ARL6IP6: variants seen among roughly 807,000 people sequenced by gnomAD.
The protein encoded by ARL6IP6 is ARF like GTPase 6 interacting protein 6.
In ARL6IP6, 22 loss-of-function variants were observed where a neutral mutation model predicts 21.5. The ratio of observed to expected loss-of-function variants is 1.02; its 90% CI spans 0.73 to 1.46. ARL6IP6 has a LOEUF of 1.46. Among genes scored for constraint, ARL6IP6 ranks in the 40% most tolerant of loss-of-function variants. ARL6IP6 has a pLI of 0.00. For missense variants in ARL6IP6, 388 were observed against 299.8 expected (o/e 1.29, Z -2.17); for synonymous variants, 164 against 125.3 (o/e 1.31, Z -2.06).
intron 3 of ARL6IP6, among the ~76,000 whole-genome samples, chr2:152,757,953 A>G (rs181199310): frequency 2.0e-5 from 3 of 152,270 alleles, no homozygotes; most frequent in South Asian, 2.1e-4. Flanking sequence ...AGGTTTTTCT[A>G]TTTTTGTGGG....
At chr2:152,749,940 A>G (rs1701242410) in intron 3 of ARL6IP6, among the ~76,000 whole-genome samples, 1 of 152,200 alleles carries the variant, frequency 6.6e-6, no homozygotes, top group Admixed American at 6.5e-5. Flanking sequence ...CATATGGTCA[A>G]ATGAAGAGTC....
chr2:152,749,513 C>G (rs1229969662), intron 3 of ARL6IP6, among the ~76,000 whole-genome samples: 1 of 152,154 alleles, frequency 6.6e-6, no homozygotes, highest in African/African-American at 2.4e-5. Context: ...TTTTAAAAAT[C>G]TCTTCTGTAC....
rs1465447363 is a variant in ARL6IP6 at position 152,735,010 on chromosome 2, T to G, written c.471T>G (p.Leu157=). The part of the protein sequence containing the change: ...DTGLLGFWTL[L]IISLTAGFSC... ...CCTGTTAAGGATTCTGGACTCTACTTATAATATCCCTAACTGCTGGATTCT... is the reference window on the plus strand; with the variant it reads ...CCTGTTAAGGATTCTGGACTCTACTGATAATATCCCTAACTGCTGGATTCT... Residue 157 remains leucine (L), a synonymous_variant, in exon 3 of 4, where the codon CTT becomes CTG. Transcript: ENST00000326446. 6.8e-6 allele frequency: 11 copies of G among 1,613,036 alleles called. No individual in the cohort carries two copies. The highest frequency in any genetic ancestry group is 9.3e-6 in the Non-Finnish European group (11 of 1,179,172).
At position 152,718,721 on chromosome 2, in the gene ARL6IP6, CAG is replaced by C. The variant is rs762652754; in HGVS notation, c.98_99del (p.Gln33ArgfsTer6). ...VARPSYSSFT[Q>X]GDSWGEGEVD... ...TCGGCCATCGTATTCCTCCTTTACTCAGGGGGACAGCTGGGGTGAAGGCGAAG... is the reference window on the plus strand; with the variant it reads ...TCGGCCATCGTATTCCTCCTTTACTCGGGGACAGCTGGGGTGAAGGCGAAG... On this transcript the variant is annotated frameshift_variant, in exon 1 of 4. Transcript: ENST00000326446. LOFTEE classifies it high-confidence loss of function. 1.6e-5 allele frequency: 26 copies of C among 1,609,856 alleles called. No homozygotes were observed. The highest frequency in any genetic ancestry group is 6.7e-5 in the East Asian group (3 of 44,790).
chr2:152,734,556 T>C (rs1372031423), intron 2 of ARL6IP6, among the ~76,000 whole-genome samples: 4 of 152,238 alleles, frequency 2.6e-5, no homozygotes, highest in Non-Finnish European at 5.9e-5. Context: ...AGTGGTGCAA[T>C]CTAGGCACAC....
rs966011796 is a variant in ARL6IP6, at chr2:152,746,613, C to G, written c.587+11487C>G. On this transcript the variant is annotated intron_variant, in intron 3 of 3. Transcript: ENST00000326446. The stretch of plus-strand genomic sequence containing the variant: ...TATCCAAGCTATAACTTCCTCATCT[C>G]TAAAATGGAGTAAAAATAATGGTAC... 2.7e-4 allele frequency among the ~76,000 whole-genome samples: 41 copies of G among 152,076 alleles called. 1 individual carries two copies. The highest frequency in any genetic ancestry group is 1.2e-4 in the Non-Finnish European group (8 of 68,014).
intron 3 of ARL6IP6, among the ~76,000 whole-genome samples, chr2:152,755,165 C>T (rs1213451223): frequency 6.6e-6 from 1 of 152,182 alleles, no homozygotes; most frequent in Non-Finnish European, 1.5e-5. Flanking sequence ...TTATGCCTGG[C>T]CAGGGCCACC....
At chr2:152,724,517 C>T (rs1411954045) in intron 2 of ARL6IP6, among the ~76,000 whole-genome samples, 2 of 152,166 alleles carry the variant, frequency 1.3e-5, no homozygotes, top group African/African-American at 2.4e-5. Context: ...CAAGAATTAG[C>T]CATGTGCAGC....
In ARL6IP6 at chr2:152,718,803, C is replaced by G. The variant is rs1213492426; in HGVS notation, c.179C>G (p.Ser60Trp). The change falls in exon 1 of 4, where the codon TCG (serine) becomes TGG (tryptophan). Residue 60 changes from serine (S) to tryptophan (W), a missense_variant. Coordinates refer to ENST00000326446, the MANE Select transcript of ARL6IP6 (RefSeq NM_152522.7). Reference protein sequence around the residue: ...QVARDLRAEFSAGAWSEPRKR... With the variant: ...QVARDLRAEFWAGAWSEPRKR... ...GCCCGCGACCTGCGGGCGGAGTTCT[C>G]GGCTGGGGCGTGGTCAGAGCCCAGA... The G allele has an allele frequency of 6.2e-7, 1 of 1,606,416 alleles. No individual in the cohort carries two copies. Among genetic ancestry groups the G allele is most frequent in the African/African-American group, 1.3e-5 (1 of 74,796 alleles).
At chr2:152,747,069 A>G (rs1701091350) in intron 3 of ARL6IP6, among the ~76,000 whole-genome samples, 2 of 152,108 alleles carry the variant, frequency 1.3e-5, no homozygotes, top group African/African-American at 2.4e-5. Context: ...AGCTCAAGCA[A>G]TCCTCCTGGC....
At chr2:152,726,156 T>C (rs1355932345) in intron 2 of ARL6IP6, among the ~76,000 whole-genome samples, 1 of 152,108 alleles carries the variant, frequency 6.6e-6, no homozygotes, top group East Asian at 1.9e-4. Context: ...GTTTTTTTTT[T>C]AATTTTCCCA....
intron 2 of ARL6IP6, among the ~76,000 whole-genome samples, chr2:152,728,743 C>T (rs1370593141): frequency 1.3e-5 from 2 of 152,064 alleles, no homozygotes; most frequent in Admixed American, 6.6e-5. Context: ...TAAGAGGTTT[C>T]AATTGATGGA....
At position 152,744,312 on chromosome 2, in the gene ARL6IP6, A is replaced by G. The variant is rs145577640; in HGVS notation, c.587+9186A>G. 8.3e-3 allele frequency among the ~76,000 whole-genome samples: 1,258 copies of G among 152,204 alleles called. 10 individuals carry two copies. Among genetic ancestry groups the G allele is most frequent in the Middle Eastern group, 0.024 (7 of 294 alleles). On this transcript the variant is annotated intron_variant, in intron 3 of 3. Transcript: ENST00000326446. Reference sequence around the variant, plus strand: ...GTATTCTTCAGGTGTCCTTTGAATAATTACATTTGTGCATTTCCTAGGCAG... The same window carrying G: ...GTATTCTTCAGGTGTCCTTTGAATAGTTACATTTGTGCATTTCCTAGGCAG...
chr2:152,718,617 T>G, upstream of ARL6IP6: 2 of 1,514,236 alleles, frequency 1.3e-6, no homozygotes, highest in South Asian at 2.7e-5. Flanking sequence ...TTCGTTGTGT[T>G]TCGCGCCATG....
At chr2:152,752,174 T>A (rs895764951) in intron 3 of ARL6IP6, among the ~76,000 whole-genome samples, 2 of 152,220 alleles carry the variant, frequency 1.3e-5, no homozygotes, top group African/African-American at 4.8e-5. Context: ...TTACATATTC[T>A]CTATTCAGTC....
chr2:152,745,318 A>T (rs1700992888), intron 3 of ARL6IP6, among the ~76,000 whole-genome samples: 1 of 152,168 alleles, frequency 6.6e-6, no homozygotes, highest in South Asian at 2.1e-4. Flanking sequence ...GAATTGCTTG[A>T]AATTTGAAAT....
chr2:152,751,357 A>G (rs1701321875), intron 3 of ARL6IP6, among the ~76,000 whole-genome samples: 1 of 152,224 alleles, frequency 6.6e-6, no homozygotes, highest in Admixed American at 6.5e-5. Flanking sequence ...AGCATTCAAA[A>G]TCTTCTCTTA....
Position 152,718,994 on chromosome 2 carries a change from C to T in ARL6IP6, c.370C>T (p.Leu124Phe), listed in dbSNP as rs1208975908. The T allele has an allele frequency of 6.3e-7, 1 of 1,581,806 alleles. No individual in the cohort carries two copies. The highest frequency in any genetic ancestry group is 1.1e-5 in the South Asian group (1 of 87,364). Residue 124 changes from leucine (L) to phenylalanine (F), a missense_variant, in exon 1 of 4, where the codon CTC becomes TTC. Physicochemically the swap from Leu to Phe is conservative, Grantham distance 22. Coordinates refer to ENST00000326446, the MANE Select transcript of ARL6IP6 (RefSeq NM_152522.7). ...SLLFAILLAF[L>F]LAIAYLIVKE... ...GCTCTTCGCCATTCTTCTCGCCTTC[C>T]TCCTCGCCATCGCCTACTTGATCGT...
At chr2:152,751,270 C>T (rs972688249) in intron 3 of ARL6IP6, among the ~76,000 whole-genome samples, 2 of 152,058 alleles carry the variant, frequency 1.3e-5, no homozygotes, top group South Asian at 2.1e-4. Context: ...ATGATAGTCC[C>T]ATACAATGTG....
Sources: gnomAD v4.1 joint callset for allele counts (sites outside exome capture counted in the v4.1 genomes callset) on GRCh38, gnomAD v4.1.1 for gene constraint, MANE v1.5 for transcripts, NCBI Gene and HGNC (gene_info 2026-07-23, HGNC 2026-07-21) for gene names.